Variants in USP28 observed in about 807,000 individuals in gnomAD.
The protein encoded by USP28 is ubiquitin carboxyl-terminal hydrolase 28.
In USP28, 113 loss-of-function variants were observed where a neutral mutation model predicts 145.0. The ratio of observed to expected loss-of-function variants is 0.78; its 90% CI spans 0.67 to 0.91. USP28 has a LOEUF of 0.91. Among genes scored for constraint, USP28 ranks in the 40% least tolerant of loss-of-function variants. USP28 has a pLI of 0.00. For synonymous variants in USP28, 447 were observed against 450.9 expected (o/e 0.99, Z 0.11); for missense variants, 1,201 against 1,289.6 (o/e 0.93, Z 1.05).
rs764478791 is a variant in USP28, at chr11:113,808,446, G to T, written c.2165-9C>A. The T allele has an allele frequency of 6.2e-7, 1 of 1,613,696 alleles. No homozygotes were observed. Among genetic ancestry groups the T allele is most frequent in the South Asian group, 1.1e-5 (1 of 91,052 alleles). On this transcript the variant is annotated splice_polypyrimidine_tract_variant and intron_variant, in intron 17 of 24. Coordinates refer to ENST00000003302, the Ensembl canonical transcript of USP28. ...AGAGGCTACTGAAGGCTCTGATAAA[G>T]AATTGAACAAAGGTCTTAGCATCTA...
At chr11:113,859,763 G>C (rs1056958381) in intron 1 of USP28, among the ~76,000 whole-genome samples, 1 of 152,198 alleles carries the variant, frequency 6.6e-6, no homozygotes, top group African/African-American at 2.4e-5. Flanking sequence ...AAGGAGACAA[G>C]ACAAAGCCTG....
intron 3 of USP28, among the ~76,000 whole-genome samples, chr11:113,845,542 C>A (rs899924804): frequency 6.6e-6 from 1 of 152,096 alleles, no homozygotes; most frequent in Non-Finnish European, 1.5e-5. Flanking sequence ...CCGTATGAAC[C>A]AGTAATCCTA....
intron 16 of USP28, among the ~76,000 whole-genome samples, chr11:113,810,685 G>GT (rs925399655): frequency 5.9e-5 from 9 of 151,952 alleles, no homozygotes; most frequent in South Asian, 4.2e-4. Flanking sequence ...TTACATGTTT[G>GT]TTTTTTTTGA....
At chr11:113,848,317 T>A (rs1300687513) in intron 3 of USP28, among the ~76,000 whole-genome samples, 23 of 152,140 alleles carry the variant, frequency 1.5e-4, no homozygotes, top group Admixed American at 1.5e-3. Context: ...GGAGAAACTT[T>A]ACAAGCTGAA....
At chr11:113,840,851 A>G in intron 4 of USP28, 94 bp from the exon 5 acceptor site, 2 of 1,417,758 alleles carry the variant, frequency 1.4e-6, no homozygotes, top group Admixed American at 2.6e-5. Flanking sequence ...GGATAATTCA[A>G]AACACCAGAA....
chr11:113,801,620 T>A (rs764817273), exon 24 of USP28: 19 of 1,608,316 alleles, frequency 1.2e-5, no homozygotes, highest in Non-Finnish European at 1.6e-5. Flanking sequence ...ATTAATGCCC[T>A]CAGTTACGGA....
At chr11:113,840,647 A>G (rs1280013523) in exon 5 of USP28, 6 of 1,614,174 alleles carry the variant, frequency 3.7e-6, no homozygotes, top group Non-Finnish European at 4.2e-6. Flanking sequence ...TTTCAGCCCA[A>G]CTGGCCAACC....
exon 25 of USP28, chr11:113,798,187 G>C (rs1938291317): frequency 6.7e-6 from 1 of 150,286 alleles, no homozygotes; most frequent in Non-Finnish European, 1.5e-5. Flanking sequence ...GAGGGAGGCA[G>C]ATAGATCACT....
chr11:113,802,334 G>A (rs1277646237), intron 23 of USP28, among the ~76,000 whole-genome samples: 1 of 152,166 alleles, frequency 6.6e-6, no homozygotes, highest in Admixed American at 6.5e-5. Flanking sequence ...AACTAATACA[G>A]ATGTCAAAGT....
chr11:113,861,102 C>G (rs1396003829), intron 1 of USP28, among the ~76,000 whole-genome samples: 1 of 148,732 alleles, frequency 6.7e-6, no homozygotes, highest in Non-Finnish European at 1.5e-5. Flanking sequence ...CCAGCCTGGG[C>G]GACAAAGCGA....
chr11:113,836,339 TCCCCATCAGCA>T (rs1031836955), intron 5 of USP28, among the ~76,000 whole-genome samples: 1 of 152,128 alleles, frequency 6.6e-6, no homozygotes, highest in Non-Finnish European at 1.5e-5. Context: ...AACTGCTTTC[TCCCCATCAGCA>T]CCCCATCAGC....
intron 12 of USP28, chr11:113,818,063 A>C: frequency 4.6e-6 from 2 of 434,576 alleles, no homozygotes; most frequent in Admixed American, 4.0e-5. Context: ...GAAACATTTC[A>C]AATAGGCTCC....
intron 16 of USP28, among the ~76,000 whole-genome samples, chr11:113,811,464 G>C (rs1420249794): frequency 2.0e-5 from 3 of 152,196 alleles, no homozygotes; most frequent in African/African-American, 4.8e-5. Flanking sequence ...GAAGCAGGCA[G>C]ATCACCTGAG....
intron 5 of USP28, among the ~76,000 whole-genome samples, chr11:113,839,864 A>T (rs1298332831): frequency 1.3e-5 from 2 of 152,154 alleles, no homozygotes; most frequent in Admixed American, 1.3e-4. Context: ...CTCGACTAAA[A>T]ATACAAAATT....
intron 12 of USP28, chr11:113,818,283 C>G (rs1355081019): frequency 2.0e-5 from 3 of 153,490 alleles, no homozygotes; most frequent in Non-Finnish European, 4.3e-5. Context: ...TCCCCAGTAG[C>G]TGGGACTACA....
intron 1 of USP28, among the ~76,000 whole-genome samples, chr11:113,859,632 A>G (rs922957580): frequency 1.3e-5 from 2 of 151,954 alleles, no homozygotes; most frequent in African/African-American, 2.4e-5. Flanking sequence ...TTAATTTTAC[A>G]GTAACACTAA....
chr11:113,865,358 C>A lies in USP28; in HGVS notation c.57+10087G>T, dbSNP rs916228141. ...AGAAAAGCTGATCCTCAAATTCACA[C>A]AGAATTTCAAAGGACCTGGAAGAAC... On this transcript the variant is annotated intron_variant, in intron 1 of 24. Transcript: ENST00000003302. Among the ~76,000 whole-genome samples, 45 of 152,104 alleles carry A rather than the reference C, an allele frequency of 3.0e-4. 3 individuals carry two copies.
At position 113,812,643 on chromosome 11, in the gene USP28, C is replaced by G. The variant is rs186523988; in HGVS notation, c.1744-139G>C. The G allele has an allele frequency of 1.4e-4, 104 of 751,622 alleles. No individual in the cohort carries two copies. In the East Asian group the frequency reaches 2.0e-3, roughly 15 times the overall value. 46.6% of individuals were successfully genotyped at this position (751,622 alleles called of 1,614,324 possible). A position where few individuals can be genotyped will look rare whatever the true frequency, so the allele number is the denominator to read the frequency against. ...CATCTTGTTGATTCAAGATGAAGTC[C>G]ACAAAAACACAGCCTTGGAATTGAT... On this transcript the variant is annotated intron_variant, in intron 15 of 24. Coordinates refer to ENST00000003302, the Ensembl canonical transcript of USP28.
intron 18 of USP28, 97 bp from the exon 20 acceptor site, chr11:113,806,681 G>T (rs1259558230): frequency 9.9e-6 from 8 of 806,210 alleles, no homozygotes; most frequent in Non-Finnish European, 1.5e-5. Context: ...CTAAAGGGCA[G>T]CAGAGCAGTG....
Sources: allele counts gnomAD v4.1 joint callset (sites outside exome capture counted in the v4.1 genomes callset), GRCh38; gene constraint gnomAD v4.1.1; transcripts MANE v1.5; gene names NCBI Gene and HGNC (gene_info 2026-07-23, HGNC 2026-07-21).